The following ANGPTL6 variants were observed in gnomAD, a reference collection of about 807,000 sequenced individuals.
The protein encoded by ANGPTL6 is angiopoietin-related protein 6.
In ANGPTL6, 45 loss-of-function variants were observed where a neutral mutation model predicts 47.4. The observed-to-expected ratio is 0.95, with a 90% CI of 0.75 to 1.22. The LOEUF (loss-of-function observed/expected upper bound fraction) is 1.22, where lower values mean the gene tolerates loss of function less well. Among genes scored for constraint, ANGPTL6 ranks in the 50% most tolerant of loss-of-function variants. ANGPTL6 has a pLI of 0.00. For synonymous variants in ANGPTL6, 290 were observed against 295.9 expected (o/e 0.98, Z 0.20); for missense variants, 698 against 669.4 (o/e 1.04, Z -0.47).
upstream of ANGPTL6, among the ~76,000 whole-genome samples, chr19:10,105,764 G>C (rs1264979922): frequency 1.3e-5 from 2 of 152,194 alleles, no homozygotes; most frequent in African/African-American, 4.8e-5. Context: ...TTTTGGGGAA[G>C]AAGCCAGAGG....
At position 10,096,187 on chromosome 19, in the gene ANGPTL6, G is replaced by C; in HGVS notation, c.377C>G (p.Ala126Gly). 8.0e-7 allele frequency: 1 copy of C among 1,247,864 alleles called. No individual in the cohort carries two copies. Among genetic ancestry groups the C allele is most frequent in the Non-Finnish European group, 1.0e-6 (1 of 996,634 alleles). 77.3% of individuals were successfully genotyped at this position (1,247,864 alleles called of 1,614,324 possible). The change falls in exon 2 of 6, where the codon GCG becomes GGG. Residue 126 changes from alanine (A) to glycine (G), a missense_variant. Physicochemically the swap from Ala to Gly is moderately conservative, Grantham distance 60 (BLOSUM62 0). Coordinates refer to ENST00000253109, the MANE Select transcript of ANGPTL6 (RefSeq NM_031917.3). The part of the protein sequence containing the change: ...HEAGPGAGPG[A>G]DLGAEPAAAL... ...CGCGGCAGGCTCCGCCCCCAGATCCGCCCCCGGGCCCGCCCCGGGCCCCGC... is the reference window on the plus strand; with the variant it reads ...CGCGGCAGGCTCCGCCCCCAGATCCCCCCCCGGGCCCGCCCCGGGCCCCGC...
chr19:10,094,756 A>G lies in ANGPTL6; in HGVS notation c.763+2T>C, dbSNP rs776191582. On this transcript the variant is annotated splice_donor_variant, in intron 3 of 5. Coordinates refer to ENST00000253109, the MANE Select transcript of ANGPTL6 (RefSeq NM_031917.3). LOFTEE classifies it high-confidence loss of function. ...AATTCCTCAGCCCTAATGTCGACTT[A>G]CCCACAGGCTTGGTGGGGACCGCAG... 10 of 1,614,136 alleles carry G rather than the reference A, an allele frequency of 6.2e-6. No homozygotes were observed. Among genetic ancestry groups the G allele is most frequent in the Non-Finnish European group, 8.5e-6 (10 of 1,180,018 alleles).
rs764970379 is a variant in ANGPTL6, at chr19:10,093,468, G to A, written c.1103C>T (p.Pro368Leu). The A allele has an allele frequency of 1.9e-5, 30 of 1,614,112 alleles. No individual in the cohort carries two copies. Among genetic ancestry groups the A allele is most frequent in the Non-Finnish European group, 2.4e-5 (28 of 1,180,054 alleles). The change falls in exon 5 of 6, where the codon CCC (proline) becomes CTC (leucine). Residue 368 changes from proline to leucine, a missense_variant. Pro to Leu is a moderately conservative substitution (Grantham distance 98, BLOSUM62 -3). Transcript: ENST00000253109. The stretch of plus-strand genomic sequence containing the variant: ...CCGCAGGCGGTAGTGGTCGCTCTCG[G>A]GTTCCAGGGAGAAGCCATCATAGTG... ...RAHYDGFSLE[P>L]ESDHYRLRLG...
chr19:10,097,575 C>A (rs2088578156), intron 1 of ANGPTL6, among the ~76,000 whole-genome samples: 1 of 152,124 alleles, frequency 6.6e-6, no homozygotes, highest in South Asian at 2.1e-4. Flanking sequence ...ACAGTAGGGC[C>A]AGGCGCGGTG....
chr19:10,097,733 GT>G (rs1482545012), intron 1 of ANGPTL6, among the ~76,000 whole-genome samples: 3 of 152,020 alleles, frequency 2.0e-5, no homozygotes, highest in Admixed American at 6.6e-5. Flanking sequence ...GGCACTTGTA[GT>G]CCCAGCTACT....
In ANGPTL6 at chr19:10,096,201, C is replaced by T; in HGVS notation, c.363G>A (p.Gly121=). 1 of 1,227,018 alleles carries T rather than the reference C, an allele frequency of 8.1e-7. No individual in the cohort carries two copies. Among genetic ancestry groups the T allele is most frequent in the Middle Eastern group, 3.2e-4 (1 of 3,126 alleles). The allele number at this position is 1,227,018 out of a possible 1,614,324, so 76.0% of individuals were successfully genotyped here. ...RAQLQHEAGP[G]AGPGADLGAE... ...CCCCCAGATCCGCCCCCGGGCCCGC[C>T]CCGGGCCCCGCCTCGTGCTGCAGCT... Residue 121 remains glycine (G), a synonymous_variant, in exon 2 of 6, where the codon GGG becomes GGA. Coordinates refer to ENST00000253109, the MANE Select transcript of ANGPTL6 (RefSeq NM_031917.3).
chr19:10,092,788 A>G lies in ANGPTL6; in HGVS notation c.1223-9T>C, dbSNP rs777600596. On this transcript the variant is annotated splice_polypyrimidine_tract_variant and intron_variant, in intron 5 of 5. Transcript: ENST00000253109. ...GTACAGGGCACAGTTACCTGAGGGG[A>G]GAGAGAGAGTCCATGTCCTCTCACC... The G allele has an allele frequency of 1.9e-6, 3 of 1,577,790 alleles. No homozygotes were observed. Among genetic ancestry groups the G allele is most frequent in the Non-Finnish European group, 2.6e-6 (3 of 1,155,166 alleles).
At position 10,094,873 on chromosome 19, in the gene ANGPTL6, G is replaced by T; in HGVS notation, c.648C>A (p.Thr216=). The change falls in exon 3 of 6, where the codon ACC becomes ACA. Residue 216 remains threonine, a synonymous_variant. Coordinates refer to ENST00000253109, the MANE Select transcript of ANGPTL6 (RefSeq NM_031917.3). The part of the protein sequence containing the change: ...PVRLVGSTSD[T]SRMLDPAPEP... ...CTGGGGCTGGGTCCAGCATCCTACT[G>T]GTGTCACTGGTGCTACCCACAAGAC... The T allele has an allele frequency of 1.2e-6, 2 of 1,614,180 alleles. No individual in the cohort carries two copies. The highest frequency in any genetic ancestry group is 1.3e-5 in the African/African-American group (1 of 75,054).
At chr19:10,102,536 A>G in intron 1 of ANGPTL6, 32 bp downstream of exon 1, 1 of 982,656 alleles carries the variant, frequency 1.0e-6, no homozygotes, top group African/African-American at 1.7e-5. Context: ...CACAGTGAGA[A>G]TCAACCTCCA....
chr19:10,103,889 T>C (rs2088746478), upstream of ANGPTL6, among the ~76,000 whole-genome samples: 1 of 151,098 alleles, frequency 6.6e-6, no homozygotes, highest in Non-Finnish European at 1.5e-5. Context: ...GGTCAGCAAT[T>C]CGAGACCAGC....
At chr19:10,098,396 C>T (rs183237645) in intron 1 of ANGPTL6, among the ~76,000 whole-genome samples, 3 of 152,042 alleles carry the variant, frequency 2.0e-5, no homozygotes, top group Non-Finnish European at 4.4e-5. Flanking sequence ...GTAAAGAATA[C>T]GCAGGTCTGT....
chr19:10,103,810 T>C (rs1459178186), upstream of ANGPTL6, among the ~76,000 whole-genome samples: 1 of 151,154 alleles, frequency 6.6e-6, no homozygotes, highest in Non-Finnish European at 1.5e-5. Context: ...AATAAAAATG[T>C]AAGGCTGGGC....
upstream of ANGPTL6, among the ~76,000 whole-genome samples, chr19:10,104,074 T>C (rs2088754350): frequency 8.3e-6 from 1 of 121,068 alleles, no homozygotes; most frequent in Non-Finnish European, 1.6e-5. Flanking sequence ...AGAGTAAGAC[T>C]CTGTCTCAAA....
chr19:10,096,701 A>C (rs2145175255), intron 1 of ANGPTL6, 128 bp from the exon 2 acceptor site: 31 of 704,936 alleles, frequency 4.4e-5, no homozygotes, highest in Admixed American at 7.8e-5. Flanking sequence ...TCCCCATCTC[A>C]TTCCCCCCAC....
In ANGPTL6 at chr19:10,094,752, A is replaced by G; in HGVS notation, c.763+6T>C. On this transcript the variant is annotated splice_donor_region_variant and intron_variant, in intron 3 of 5. Coordinates refer to ENST00000253109, the MANE Select transcript of ANGPTL6 (RefSeq NM_031917.3). ...CCACAATTCCTCAGCCCTAATGTCG[A>G]CTTACCCACAGGCTTGGTGGGGACC... 1 of 1,614,092 alleles carries G rather than the reference A, an allele frequency of 6.2e-7. No homozygotes were observed.
At chr19:10,093,270 C>A in intron 5 of ANGPTL6, 79 bp downstream of exon 5, 1 of 1,536,550 alleles carries the variant, frequency 6.5e-7, no homozygotes, top group South Asian at 1.2e-5. Context: ...GTCTTACCTA[C>A]CCTACCTCCT....
upstream of ANGPTL6, chr19:10,102,762 C>T: frequency 1.0e-6 from 1 of 984,550 alleles, no homozygotes; most frequent in South Asian, 4.7e-5. Flanking sequence ...GGCCCAGGAG[C>T]CCAAACTATA....
At chr19:10,104,307 TTGTGTGTGTGG>T (rs777963234), upstream of ANGPTL6, among the ~76,000 whole-genome samples, 204 of 85,284 alleles carry the variant, frequency 2.4e-3, 2 homozygotes, top group South Asian at 0.027. Context: ...TTTGTTTTGT[TTGTGTGTGTGG>T]TGTGTGTGTG....
chr19:10,105,109 C>T (rs987267154), upstream of ANGPTL6, among the ~76,000 whole-genome samples: 2 of 152,222 alleles, frequency 1.3e-5, no homozygotes, highest in African/African-American at 4.8e-5. Context: ...ACCTCCTTCC[C>T]CTGGTCTGCA....
Sources: gnomAD v4.1 joint callset for allele counts (sites outside exome capture counted in the v4.1 genomes callset) on GRCh38, gnomAD v4.1.1 for gene constraint, MANE v1.5 for transcripts, NCBI Gene and HGNC (gene_info 2026-07-23, HGNC 2026-07-21) for gene names.